RSF1: variants seen among roughly 807,000 people sequenced by gnomAD.
The protein encoded by RSF1 is HBV pX-associated protein 8.
Under a neutral mutation model 145.2 loss-of-function variants are expected in RSF1, and 13 were observed. That is an observed-to-expected ratio of 0.09 (90% CI 0.06 to 0.14). RSF1 has a LOEUF of 0.14. Ranked by LOEUF, RSF1 falls within the 10% of genes least tolerant of loss-of-function variation. The probability of loss-of-function intolerance (pLI) is 1.00; values close to 1 mark genes in which losing one functional copy is unlikely to be tolerated. For missense variants in RSF1, 1,517 were observed against 1,718.2 expected (o/e 0.88, Z 2.07); for synonymous variants, 577 against 592.6 (o/e 0.97, Z 0.38).
chr11:77,671,912 G>A (rs1959562814), intron 15 of RSF1, 130 bp downstream of exon 15: 2 of 806,974 alleles, frequency 2.5e-6, no homozygotes, highest in South Asian at 2.5e-5. Flanking sequence ...GGGATTACAG[G>A]CGTGAGCCAC....
chr11:77,810,762 T>C (rs1948722749), intron 1 of RSF1, among the ~76,000 whole-genome samples: 1 of 152,196 alleles, frequency 6.6e-6, no homozygotes, highest in Non-Finnish European at 1.5e-5. Flanking sequence ...TTTCACCATG[T>C]TGGCGAGGCT....
intron 5 of RSF1, among the ~76,000 whole-genome samples, chr11:77,706,810 C>T (rs963808068): frequency 1.3e-5 from 2 of 152,130 alleles, no homozygotes; most frequent in South Asian, 2.1e-4. Context: ...GTTTTTTGAT[C>T]CTGACCCTCC....
intron 2 of RSF1, among the ~76,000 whole-genome samples, chr11:77,752,255 A>G (rs1371584446): frequency 2.0e-5 from 3 of 152,226 alleles, no homozygotes; most frequent in Non-Finnish European, 4.4e-5. Flanking sequence ...CAGCTGTGCC[A>G]ATAGAAAAGG....
intron 5 of RSF1, among the ~76,000 whole-genome samples, chr11:77,722,507 G>C (rs562393616): frequency 7.8e-4 from 119 of 152,238 alleles, no homozygotes; most frequent in African/African-American, 2.7e-3. Flanking sequence ...AACTCCCGAA[G>C]TGAACACCCA....
the RSF1 span, among the ~76,000 whole-genome samples, chr11:77,858,070 G>T: frequency 6.6e-6 from 1 of 152,050 alleles, no homozygotes; most frequent in Admixed American, 6.6e-5. Flanking sequence ...CCAGGCTGGA[G>T]TACAGTGGTA....
At chr11:77,781,836 T>C (rs1263032552) in intron 1 of RSF1, among the ~76,000 whole-genome samples, 2 of 152,226 alleles carry the variant, frequency 1.3e-5, no homozygotes, top group Non-Finnish European at 2.9e-5. Context: ...TTTTGCTTCA[T>C]GTGTTTTAAA....
At chr11:77,786,211 T>C (rs983455656) in intron 1 of RSF1, among the ~76,000 whole-genome samples, 3 of 152,140 alleles carry the variant, frequency 2.0e-5, no homozygotes, top group Non-Finnish European at 4.4e-5. Context: ...CGTACCATCA[T>C]GCTTCCCATT....
chr11:77,848,241 G>A, the RSF1 span, among the ~76,000 whole-genome samples: 1 of 152,184 alleles, frequency 6.6e-6, no homozygotes, highest in Admixed American at 6.5e-5. Flanking sequence ...AGTTATACTG[G>A]AGCACAAACT....
chr11:77,721,099 G>A (rs1960931285), intron 5 of RSF1, among the ~76,000 whole-genome samples: 1 of 152,154 alleles, frequency 6.6e-6, no homozygotes, highest in African/African-American at 2.4e-5. Context: ...ATCTATTTTA[G>A]CTACAAGAAT....
chr11:77,749,997 T>C (rs1948044500), intron 2 of RSF1, among the ~76,000 whole-genome samples: 1 of 152,128 alleles, frequency 6.6e-6, no homozygotes, highest in African/African-American at 2.4e-5. Context: ...TTCGCCTGGC[T>C]TGGCATCCCC....
At chr11:77,726,442 A>C (rs755457485) in intron 4 of RSF1, among the ~76,000 whole-genome samples, 18 of 152,176 alleles carry the variant, frequency 1.2e-4, no homozygotes, top group African/African-American at 2.4e-5. Flanking sequence ...CTAGGACTAC[A>C]GTTGTATATC....
At chr11:77,838,047 T>C in the RSF1 span, among the ~76,000 whole-genome samples, 1 of 152,190 alleles carries the variant, frequency 6.6e-6, no homozygotes, top group Non-Finnish European at 1.5e-5. Flanking sequence ...CACTCCAGAC[T>C]GGATGAAAGA....
intron 11 of RSF1, among the ~76,000 whole-genome samples, chr11:77,679,543 C>T (rs752802634): frequency 5.9e-5 from 9 of 151,700 alleles, no homozygotes; most frequent in African/African-American, 2.2e-4. Flanking sequence ...GTGTGTGGTG[C>T]GTGCCTGTAG....
At position 77,667,190 on chromosome 11, in the gene RSF1, A is replaced by G; in HGVS notation, c.4053T>C (p.Phe1351=). The G allele has an allele frequency of 6.2e-7, 1 of 1,614,188 alleles. No homozygotes were observed. Among genetic ancestry groups the G allele is most frequent in the Non-Finnish European group, 8.5e-7 (1 of 1,180,036 alleles). The change falls in exon 16 of 16, where the codon TTT becomes TTC. Residue 1351 remains phenylalanine (F), a synonymous_variant. Coordinates refer to ENST00000308488, the MANE Select transcript of RSF1 (RefSeq NM_016578.4). ...GGCTCCCCACTTTGCCTACATTTTC[A>G]AAGTCCTCTTCCTCATCACTTTCTA... ...YRIESDEEED[F]ENVGKVGSPL... is the part of the protein sequence containing the mutation.
At chr11:77,703,778 T>TA (rs1045092256) in intron 5 of RSF1, among the ~76,000 whole-genome samples, 2 of 149,286 alleles carry the variant, frequency 1.3e-5, no homozygotes, top group African/African-American at 2.5e-5. Context: ...GAGATGAGAG[T>TA]AAAAAAAAAT....
chr11:77,862,192 C>A, the RSF1 span, among the ~76,000 whole-genome samples: 4 of 152,164 alleles, frequency 2.6e-5, no homozygotes, highest in Non-Finnish European at 4.4e-5. Context: ...TGCCTGCTGG[C>A]CTGTGGGGAA....
intron 15 of RSF1, among the ~76,000 whole-genome samples, chr11:77,671,552 C>A (rs1415310143): frequency 6.6e-6 from 1 of 151,480 alleles, no homozygotes; most frequent in Non-Finnish European, 1.5e-5. Context: ...TAAAAATTAG[C>A]CTCTTATCGA....
chr11:77,844,318 C>T, the RSF1 span, among the ~76,000 whole-genome samples: 1 of 152,094 alleles, frequency 6.6e-6, no homozygotes, highest in African/African-American at 2.4e-5. Context: ...AAAGGACACA[C>T]ATATTAAGTC....
At chr11:77,699,294 G>A (rs149861627) in intron 6 of RSF1, among the ~76,000 whole-genome samples, 121 of 152,212 alleles carry the variant, frequency 7.9e-4, no homozygotes, top group Middle Eastern at 6.8e-3. Context: ...TACATTCAGA[G>A]AGCAAATTTA....
Sources: allele counts gnomAD v4.1 joint callset (sites outside exome capture counted in the v4.1 genomes callset), GRCh38; gene constraint gnomAD v4.1.1; transcripts MANE v1.5; gene names NCBI Gene and HGNC (gene_info 2026-07-23, HGNC 2026-07-21).